IFIH1: variants seen among roughly 807,000 people sequenced by gnomAD.
IFIH1 encodes the protein interferon-induced helicase C domain-containing protein 1.
A neutral mutation model predicts 107.4 loss-of-function variants in IFIH1; 125 were observed. The ratio of observed to expected loss-of-function variants is 1.16; its 90% CI spans 1.01 to 1.35. IFIH1 has a LOEUF of 1.35. IFIH1 is among the 40% of genes most tolerant of loss of function. The probability of loss-of-function intolerance (pLI) is 0.00; values close to 1 mark genes in which losing one functional copy is unlikely to be tolerated. For synonymous variants in IFIH1, 458 were observed against 413.2 expected (o/e 1.11, Z -1.31); for missense variants, 1,333 against 1,213.7 (o/e 1.10, Z -1.46).
chr2:162,313,944 G>C (rs1683426274), intron 1 of IFIH1, among the ~76,000 whole-genome samples: 2 of 152,172 alleles, frequency 1.3e-5, no homozygotes, highest in Non-Finnish European at 2.9e-5. Context: ...AGGTGGACTA[G>C]TCATGGCATC....
chr2:162,267,387 A>T lies in IFIH1; in HGVS notation c.2899-8T>A. On this transcript the variant is annotated splice_region_variant and splice_polypyrimidine_tract_variant and intron_variant, in intron 15 of 15. Transcript: ENST00000649979. ...CATCATTGTTCCCCAAGCCTGGAAA[A>T]CAAAAGAGAGAGCAAGAGGAAAATT... 1 of 1,614,018 alleles carries T rather than the reference A, an allele frequency of 6.2e-7. No individual in the cohort carries two copies. Among genetic ancestry groups the T allele is most frequent in the Non-Finnish European group, 8.5e-7 (1 of 1,179,982 alleles).
At chr2:162,314,415 CT>C (rs374186973) in intron 1 of IFIH1, among the ~76,000 whole-genome samples, 6,094 of 36,128 alleles carry the variant, frequency 0.17, 382 homozygotes, top group Middle Eastern at 0.24. Flanking sequence ...TTCTTTCTTT[CT>C]TTTCTTTCTT....
intron 2 of IFIH1, among the ~76,000 whole-genome samples, chr2:162,309,712 G>T (rs1683357253): frequency 6.6e-6 from 1 of 152,094 alleles, no homozygotes. Flanking sequence ...TTGCCATATG[G>T]ATAGGCTGAG....
At chr2:162,276,540 G>T in intron 11 of IFIH1, 147 bp downstream of exon 11, 1 of 838,744 alleles carries the variant, frequency 1.2e-6, no homozygotes, top group Non-Finnish European at 1.8e-6. Flanking sequence ...AGGAGGTCAA[G>T]GGTGCAGTGA....
chr2:162,291,847 C>T (rs966760314), intron 4 of IFIH1, among the ~76,000 whole-genome samples: 6 of 151,824 alleles, frequency 4.0e-5, no homozygotes, highest in African/African-American at 9.7e-5. Flanking sequence ...TTTACCATTT[C>T]GGAAATTGAC....
rs775723413 is a variant in IFIH1 at position 162,289,063 on chromosome 2, ATT to A, written c.875-710_875-709del. Among the ~76,000 whole-genome samples the A allele has an allele frequency of 3.8e-3, 570 of 151,878 alleles. 2 individuals are homozygous for A. Among genetic ancestry groups the A allele is most frequent in the Middle Eastern group, 0.017 (5 of 292 alleles). On this transcript the variant is annotated intron_variant, in intron 4 of 15. Transcript: ENST00000649979. ...AAAACTCTTCCTATGCTAGCCTTTAATTGGTAGGTTTTCCTTGAAAGGTAAAA... is the reference window on the plus strand; with the variant it reads ...AAAACTCTTCCTATGCTAGCCTTTAAGGTAGGTTTTCCTTGAAAGGTAAAA...
At chr2:162,293,254 C>G (rs911192453) in intron 4 of IFIH1, among the ~76,000 whole-genome samples, 1 of 151,822 alleles carries the variant, frequency 6.6e-6, no homozygotes, top group Non-Finnish European at 1.5e-5. Context: ...TGAATACAGT[C>G]TATTTAAATG....
chr2:162,281,638 G>A (rs1449817700), intron 6 of IFIH1, 93 bp from the exon 7 acceptor site: 4 of 873,408 alleles, frequency 4.6e-6, no homozygotes, highest in African/African-American at 1.7e-5. Context: ...CCTTGGGGAT[G>A]CCTTCTCTTG....
intron 11 of IFIH1, among the ~76,000 whole-genome samples, chr2:162,275,122 C>T (rs1424782134): frequency 3.3e-5 from 5 of 152,168 alleles, no homozygotes; most frequent in Admixed American, 1.3e-4. Flanking sequence ...AGTCACATCA[C>T]ATAGATGCCT....
chr2:162,281,083 A>G (rs1004179708), intron 7 of IFIH1, among the ~76,000 whole-genome samples: 2 of 152,086 alleles, frequency 1.3e-5, no homozygotes, highest in Non-Finnish European at 2.9e-5. Context: ...CATTCTATTT[A>G]TCTCAACTTC....
At chr2:162,295,446 T>C (rs990039217) in intron 3 of IFIH1, among the ~76,000 whole-genome samples, 1 of 151,974 alleles carries the variant, frequency 6.6e-6, no homozygotes. Flanking sequence ...CCCATCCAAT[T>C]TGGATGAGCC....
intron 3 of IFIH1, 134 bp downstream of exon 3, chr2:162,306,574 TA>T: frequency 3.5e-6 from 2 of 570,628 alleles, no homozygotes; most frequent in South Asian, 3.6e-5. Context: ...TAATCTCCTC[TA>T]AAAATATTAT....
intron 3 of IFIH1, among the ~76,000 whole-genome samples, chr2:162,299,504 G>A (rs1366717790): frequency 6.6e-6 from 1 of 152,096 alleles, no homozygotes; most frequent in Admixed American, 6.5e-5. Context: ...TTTCCATGGT[G>A]TAAATATTCA....
chr2:162,272,791 G>T (rs996520508), intron 12 of IFIH1, among the ~76,000 whole-genome samples: 1 of 152,112 alleles, frequency 6.6e-6, no homozygotes, highest in Non-Finnish European at 1.5e-5. Flanking sequence ...TGACACTAGG[G>T]CTGGTGAGAA....
chr2:162,267,804 A>G, intron 14 of IFIH1, among the ~76,000 whole-genome samples: 1 of 152,322 alleles, frequency 6.6e-6, no homozygotes, highest in Non-Finnish European at 1.5e-5. Context: ...TGTTGGTTAT[A>G]TTAACTTGAC....
intron 3 of IFIH1, among the ~76,000 whole-genome samples, chr2:162,297,147 CACAA>C (rs916876861): frequency 6.6e-5 from 10 of 152,114 alleles, no homozygotes; most frequent in South Asian, 4.1e-4. Flanking sequence ...CCGTATTACA[CACAA>C]ACACACACAC....
chr2:162,318,440 G>T lies in IFIH1; in HGVS notation c.-133C>A, dbSNP rs2105239067. 2 of 753,678 alleles carry T rather than the reference G, an allele frequency of 2.7e-6. No homozygotes were observed. Among genetic ancestry groups the T allele is most frequent in the South Asian group, 3.4e-5 (2 of 58,500 alleles). 46.7% of individuals were successfully genotyped at this position (753,678 alleles called of 1,614,324 possible). A position where few individuals can be genotyped will look rare whatever the true frequency, so the allele number is the denominator to read the frequency against. Reference sequence around the variant, plus strand: ...GGTCTACCGCTCTGTGCCTGACAATGACGAGGTTGTCCACAGGGCTCTCAG... The same window carrying T: ...GGTCTACCGCTCTGTGCCTGACAATTACGAGGTTGTCCACAGGGCTCTCAG... On this transcript the variant is annotated 5_prime_UTR_variant, in exon 1 of 16. Coordinates refer to ENST00000649979, the MANE Select transcript of IFIH1 (RefSeq NM_022168.4).
At chr2:162,273,308 T>C (rs1160742519) in intron 12 of IFIH1, among the ~76,000 whole-genome samples, 2 of 152,184 alleles carry the variant, frequency 1.3e-5, no homozygotes, top group Non-Finnish European at 2.9e-5. Context: ...TTTATAAGTC[T>C]GCCCCCAACC....
chr2:162,271,587 G>A (rs749430693), intron 13 of IFIH1, among the ~76,000 whole-genome samples: 7 of 151,980 alleles, frequency 4.6e-5, no homozygotes, highest in Non-Finnish European at 8.8e-5. Context: ...GCACATGTAC[G>A]CTAGAACTTA....
Sources: allele counts gnomAD v4.1 joint callset (sites outside exome capture counted in the v4.1 genomes callset), GRCh38; gene constraint gnomAD v4.1.1; transcripts MANE v1.5; gene names NCBI Gene and HGNC (gene_info 2026-07-23, HGNC 2026-07-21).